BAIAP2L1: variants seen among roughly 807,000 people sequenced by gnomAD.
BAIAP2L1 encodes the protein BAR/IMD domain-containing adapter protein 2-like 1.
In BAIAP2L1, 35 loss-of-function variants were observed where a neutral mutation model predicts 66.3. The observed-to-expected ratio is 0.53, with a 90% confidence interval of 0.40 to 0.70. The LOEUF (loss-of-function observed/expected upper bound fraction) is 0.70. BAIAP2L1 is among the 30% of genes least tolerant of loss of function. The pLI, the probability that BAIAP2L1 is intolerant of heterozygous loss-of-function variation, is 0.00. For missense variants in BAIAP2L1, 622 were observed against 656.9 expected (o/e 0.95, Z 0.58); for synonymous variants, 269 against 248.7 (o/e 1.08, Z -0.77).
At chr7:98,312,042 C>T (rs1800892478) in intron 8 of BAIAP2L1, 55 bp downstream of exon 8, 1 of 1,519,796 alleles carries the variant, frequency 6.6e-7, no homozygotes, top group Non-Finnish European at 8.8e-7. Flanking sequence ...AAATTTGGCC[C>T]AGATCAAGTT....
In BAIAP2L1 at chr7:98,398,475, TAAAAA is replaced by T. The variant is rs34124383; in HGVS notation, c.51+2322_51+2326del. Among the ~76,000 whole-genome samples the T allele has an allele frequency of 2.1e-5, 3 of 145,192 alleles. No individual in the cohort carries two copies. The South Asian group carries it at 6.6e-4, about 32-fold the overall frequency. On this transcript the variant is annotated intron_variant, in intron 1 of 13. Transcript: ENST00000005260. ...TGTAAATATCCTACCACCTGGACAT[TAAAAA>T]AAAAAAAGGTCCCAAAACACTAACA...
intron 3 of BAIAP2L1, among the ~76,000 whole-genome samples, chr7:98,321,095 G>A (rs1221337316): frequency 1.3e-5 from 2 of 152,114 alleles, no homozygotes; most frequent in Non-Finnish European, 2.9e-5. Flanking sequence ...CTGACCTCAA[G>A]TGATCCGCAC....
chr7:98,384,313 T>C (rs988822194), intron 1 of BAIAP2L1, among the ~76,000 whole-genome samples: 1 of 152,148 alleles, frequency 6.6e-6, no homozygotes, highest in Non-Finnish European at 1.5e-5. Flanking sequence ...AATATAAAAC[T>C]ACAGATAAAT....
At chr7:98,396,708 A>G (rs1016746961) in intron 1 of BAIAP2L1, among the ~76,000 whole-genome samples, 1 of 152,186 alleles carries the variant, frequency 6.6e-6, no homozygotes, top group Non-Finnish European at 1.5e-5. Flanking sequence ...GAATTGCTCG[A>G]AAGTGGGAGG....
intron 3 of BAIAP2L1, among the ~76,000 whole-genome samples, chr7:98,330,519 T>C (rs1801470676): frequency 6.6e-6 from 1 of 151,936 alleles, no homozygotes; most frequent in South Asian, 2.1e-4. Context: ...TAGCCGGGCG[T>C]GGTGGCGCAC....
intron 1 of BAIAP2L1, among the ~76,000 whole-genome samples, chr7:98,394,258 C>CAAACAAAA (rs939365257): frequency 6.6e-6 from 1 of 151,638 alleles, no homozygotes; most frequent in Admixed American, 6.6e-5. Context: ...AACAAACAAA[C>CAAACAAAA]AAAAAAACCC....
At chr7:98,369,512 G>T (rs1802461487) in intron 1 of BAIAP2L1, among the ~76,000 whole-genome samples, 1 of 152,084 alleles carries the variant, frequency 6.6e-6, no homozygotes, top group East Asian at 1.9e-4. Context: ...TTCTTATGAG[G>T]CTGGGTGTAG....
At chr7:98,379,906 G>A (rs1022129941) in intron 1 of BAIAP2L1, among the ~76,000 whole-genome samples, 5 of 152,190 alleles carry the variant, frequency 3.3e-5, no homozygotes, top group African/African-American at 9.7e-5. Flanking sequence ...AGCTGGAAGC[G>A]AGAATGAGTA....
chr7:98,312,178 C>G lies in BAIAP2L1; in HGVS notation c.726G>C (p.Met242Ile). 6.2e-7 allele frequency: 1 copy of G among 1,614,058 alleles called. No individual in the cohort carries two copies. The highest frequency in any genetic ancestry group is 8.5e-7 in the Non-Finnish European group (1 of 1,179,976). The change falls in exon 8 of 14, where the codon ATG becomes ATC. Residue 242 changes from methionine (M) to isoleucine (I), a missense_variant. By Grantham distance (10) the Met-to-Ile change is conservative. Transcript: ENST00000005260. ...AIKVPEKIMN[M>I]IEEIKTPAST... The stretch of plus-strand genomic sequence containing the variant: ...AGGCTGGGGTCTTTATTTCTTCGAT[C>G]ATATTCATGATTTTCTCTGGCACTT...
intron 1 of BAIAP2L1, among the ~76,000 whole-genome samples, chr7:98,384,989 G>A (rs1418111428): frequency 2.0e-5 from 3 of 152,076 alleles, no homozygotes; most frequent in African/African-American, 4.8e-5. Context: ...ATGAGCCACG[G>A]CAATCAACCT....
chr7:98,339,327 C>T (rs1801685404), intron 3 of BAIAP2L1, among the ~76,000 whole-genome samples: 1 of 152,124 alleles, frequency 6.6e-6, no homozygotes, highest in African/African-American at 2.4e-5. Context: ...TGTGCTGTAG[C>T]TATCTTGTGG....
chr7:98,352,577 G>A (rs1802023546), intron 3 of BAIAP2L1, among the ~76,000 whole-genome samples: 1 of 152,148 alleles, frequency 6.6e-6, no homozygotes, highest in African/African-American at 2.4e-5. Flanking sequence ...TGGAGGCAGA[G>A]GCTGCAGGGA....
At chr7:98,304,404 G>A (rs771000077) in intron 11 of BAIAP2L1, 28 bp from the exon 12 acceptor site, 2 of 1,610,660 alleles carry the variant, frequency 1.2e-6, no homozygotes, top group East Asian at 2.2e-5. Flanking sequence ...CACAGCACGT[G>A]TTAGATAATG....
intron 7 of BAIAP2L1, among the ~76,000 whole-genome samples, chr7:98,313,149 ACCCCCAACTGTCAC>A (rs1800936112): frequency 4.0e-5 from 1 of 25,092 alleles, no homozygotes; most frequent in Non-Finnish European, 8.8e-5. Flanking sequence ...CTGTCACCCC[ACCCCCAACTGTCAC>A]CCTGACACTC....
In BAIAP2L1 at chr7:98,310,609, A is replaced by G. The variant is rs555728900; in HGVS notation, c.808-17T>C. 6.4e-7 allele frequency: 1 copy of G among 1,550,874 alleles called. No individual in the cohort carries two copies. Among genetic ancestry groups the G allele is most frequent in the South Asian group, 1.2e-5 (1 of 81,172 alleles). Reference sequence around the variant, plus strand: ...TTTCCTAACCTGTGAAAAATTCTTTATTAGTCCAATATTAGTATAGTGCAG... The same window carrying G: ...TTTCCTAACCTGTGAAAAATTCTTTGTTAGTCCAATATTAGTATAGTGCAG... On this transcript the variant is annotated splice_polypyrimidine_tract_variant and intron_variant, in intron 8 of 13. Transcript: ENST00000005260.
chr7:98,366,902 C>T (rs1802399788), intron 1 of BAIAP2L1, among the ~76,000 whole-genome samples: 2 of 152,000 alleles, frequency 1.3e-5, no homozygotes, highest in South Asian at 4.1e-4. Context: ...CTTCCTTCTT[C>T]TCTTTCTGAG....
chr7:98,371,378 G>C (rs1802507841), intron 1 of BAIAP2L1, among the ~76,000 whole-genome samples: 1 of 152,136 alleles, frequency 6.6e-6, no homozygotes, highest in South Asian at 2.1e-4. Context: ...TCTTCTACTT[G>C]TGCTGAGTCG....
chr7:98,313,305 A>C (rs1208578267), intron 7 of BAIAP2L1, among the ~76,000 whole-genome samples: 1 of 152,096 alleles, frequency 6.6e-6, no homozygotes, highest in Non-Finnish European at 1.5e-5. Flanking sequence ...CAGCATAGAA[A>C]CGAGCAGATT....
chr7:98,293,943 C>CCCCA (rs1369014893), intron 13 of BAIAP2L1, 131 bp downstream of exon 13: 3 of 1,076,726 alleles, frequency 2.8e-6, no homozygotes, highest in African/African-American at 1.6e-5. Flanking sequence ...GGCTGCACTC[C>CCCCA]CCCATGGCTC....
Sources: gnomAD v4.1 joint callset for allele counts (sites outside exome capture counted in the v4.1 genomes callset) on GRCh38, gnomAD v4.1.1 for gene constraint, MANE v1.5 for transcripts, NCBI Gene and HGNC (gene_info 2026-07-23, HGNC 2026-07-21) for gene names.